LYRM4: variants seen among roughly 807,000 people sequenced by gnomAD.
LYRM4 encodes the protein LYR motif containing 4, also known as LYR motif-containing protein 4.
A neutral mutation model predicts 11.7 loss-of-function variants in LYRM4; 9 were observed. That is an observed-to-expected ratio of 0.77 (90% CI 0.46 to 1.34). The LOEUF (loss-of-function observed/expected upper bound fraction) is 1.34. Ranked by LOEUF, LYRM4 falls within the 40% of genes most tolerant of loss-of-function variation. The probability of loss-of-function intolerance (pLI) is 0.00; values close to 1 mark genes in which losing one functional copy is unlikely to be tolerated. For missense variants in LYRM4, 133 were observed against 112.5 expected, an observed-to-expected ratio of 1.18 and a Z score of -0.82; for synonymous variants, 42 against 40.4, an observed-to-expected ratio of 1.04 and a Z score of -0.15.
the LYRM4 span, chr6:5,089,264 A>G: frequency 6.6e-6 from 1 of 152,236 alleles, no homozygotes; most frequent in Non-Finnish European, 1.5e-5. Flanking sequence ...CTGATGCATC[A>G]TCAGGTAATC....
At chr6:5,214,576 G>C (rs1762162616) in intron 2 of LYRM4, among the ~76,000 whole-genome samples, 1 of 152,176 alleles carries the variant, frequency 6.6e-6, no homozygotes, top group African/African-American at 2.4e-5. Context: ...GGGTGGAGTA[G>C]GGGCAGGGGC....
At chr6:5,256,490 GGAAAAAAAAAAAAAAAAAAAAAAA>G (rs1180267911) in intron 1 of LYRM4, among the ~76,000 whole-genome samples, 4 of 37,520 alleles carry the variant, frequency 1.1e-4, no homozygotes, top group East Asian at 1.1e-3. Context: ...GATTTCAACT[GGAAAAAAAAAAAAAAAAAAAAAAA>G]AAAAAAAAAA....
At chr6:5,103,613 G>A (rs1360933372), downstream of LYRM4, 1 of 149,292 alleles carries the variant, frequency 6.7e-6, no homozygotes, top group Non-Finnish European at 1.5e-5. Context: ...TTATAGGTTC[G>A]CTTCAATATC....
the LYRM4 span, chr6:5,066,588 T>C: frequency 1.9e-6 from 2 of 1,068,650 alleles, no homozygotes; most frequent in Non-Finnish European, 2.9e-6. Context: ...GGACTCCAAA[T>C]GTGGAATAAA....
intron 1 of LYRM4, among the ~76,000 whole-genome samples, chr6:5,236,661 A>G (rs1763562550): frequency 6.6e-6 from 1 of 151,346 alleles, no homozygotes; most frequent in South Asian, 2.1e-4. Context: ...AAAAATCTCT[A>G]AGGGGGCCAA....
intron 2 of LYRM4, among the ~76,000 whole-genome samples, chr6:5,126,345 C>A (rs1488025764): frequency 6.6e-6 from 1 of 152,208 alleles, no homozygotes; most frequent in Non-Finnish European, 1.5e-5. Context: ...ACAAACCCTT[C>A]AAGACCCTGG....
rs187959884 is a variant in LYRM4 at position 5,174,563 on chromosome 6, G to A, written c.207+42055C>T. On this transcript the variant is annotated intron_variant, in intron 2 of 2. Coordinates refer to ENST00000330636, the MANE Select transcript of LYRM4 (RefSeq NM_020408.6). ...AGGACCTTTCTTCTCAGAGGAAGGA[G>A]GCTATTTATAAACTTAATGGTTACT... 1.1e-4 allele frequency among the ~76,000 whole-genome samples: 17 copies of A among 152,258 alleles called. 1 individual carries two copies. The East Asian group carries it at 1.9e-3, about 17-fold the overall frequency.
At chr6:5,097,320 C>T in the LYRM4 span, among the ~76,000 whole-genome samples, 25 of 148,244 alleles carry the variant, frequency 1.7e-4, no homozygotes, top group African/African-American at 6.6e-4. Flanking sequence ...GTGGCACGAT[C>T]ATGGCTCATG....
the LYRM4 span, among the ~76,000 whole-genome samples, chr6:5,076,527 A>C: frequency 6.6e-6 from 1 of 152,220 alleles, no homozygotes; most frequent in East Asian, 1.9e-4. Flanking sequence ...TGCGAGCAGC[A>C]GTAAACTCAA....
chr6:5,258,619 T>C (rs964008105), intron 1 of LYRM4, among the ~76,000 whole-genome samples: 5 of 152,234 alleles, frequency 3.3e-5, no homozygotes, highest in Admixed American at 2.6e-4. Context: ...CGTATTTTTA[T>C]AACAAGTAAG....
the LYRM4 span, among the ~76,000 whole-genome samples, chr6:5,093,251 GTTTGTTTT>G: frequency 1.3e-5 from 2 of 152,212 alleles, no homozygotes; most frequent in African/African-American, 4.8e-5. Context: ...ACTGCTTTTT[GTTTGTTTT>G]TTTGTTTTTT....
At chr6:5,115,307 G>A (rs540860327) in intron 2 of LYRM4, among the ~76,000 whole-genome samples, 33 of 152,288 alleles carry the variant, frequency 2.2e-4, no homozygotes, top group African/African-American at 7.5e-4. Context: ...CTGTTTGTCC[G>A]GCTGACGCTC....
At chr6:5,170,452 G>A (rs1389919315) in intron 2 of LYRM4, among the ~76,000 whole-genome samples, 1 of 151,312 alleles carries the variant, frequency 6.6e-6, no homozygotes. Flanking sequence ...AATATTCTTG[G>A]GTATCAAAAG....
chr6:5,214,615 C>T (rs751739369), intron 2 of LYRM4, among the ~76,000 whole-genome samples: 10 of 152,320 alleles, frequency 6.6e-5, no homozygotes, highest in Non-Finnish European at 1.2e-4. Context: ...AAGGCTGCTA[C>T]AGCAGCCAGT....
chr6:5,159,519 C>T (rs960473012), intron 2 of LYRM4, among the ~76,000 whole-genome samples: 5 of 152,212 alleles, frequency 3.3e-5, no homozygotes, highest in Non-Finnish European at 7.3e-5. Context: ...GGTGACCCTG[C>T]TGAGAGTAGC....
At chr6:5,051,529 G>T in the LYRM4 span, among the ~76,000 whole-genome samples, 3 of 152,296 alleles carry the variant, frequency 2.0e-5, no homozygotes, top group South Asian at 4.1e-4. Context: ...TCAGAGTGCT[G>T]AGGCAGGAAA....
intron 2 of LYRM4, among the ~76,000 whole-genome samples, chr6:5,153,235 G>A (rs1758196305): frequency 6.6e-6 from 1 of 152,172 alleles, no homozygotes; most frequent in African/African-American, 2.4e-5. Context: ...GGGATTACAG[G>A]TGTGCACCAA....
chr6:5,166,957 C>T (rs2127661937), intron 2 of LYRM4, among the ~76,000 whole-genome samples: 1 of 152,220 alleles, frequency 6.6e-6, no homozygotes, highest in South Asian at 2.1e-4. Flanking sequence ...TGAGTTCAAA[C>T]CATCCTCCTG....
At chr6:5,053,241 C>G in the LYRM4 span, among the ~76,000 whole-genome samples, 4 of 152,048 alleles carry the variant, frequency 2.6e-5, no homozygotes, top group Non-Finnish European at 5.9e-5. Context: ...TACTCTAAAT[C>G]AGGAAGTTCT....
Sources: gnomAD v4.1 joint callset for allele counts (sites outside exome capture counted in the v4.1 genomes callset) on GRCh38, gnomAD v4.1.1 for gene constraint, MANE v1.5 for transcripts, NCBI Gene and HGNC (gene_info 2026-07-23, HGNC 2026-07-21) for gene names.